Variants in LCOR observed in about 807,000 individuals in gnomAD.
LCOR encodes ligand dependent nuclear receptor corepressor, also known as ligand-dependent corepressor.
In LCOR, 14 loss-of-function variants were observed where a neutral mutation model predicts 64.4. The observed-to-expected ratio is 0.22, with a 90% confidence interval of 0.14 to 0.34. The LOEUF (loss-of-function observed/expected upper bound fraction) is 0.34. Among genes scored for constraint, LCOR ranks in the 10% least tolerant of loss-of-function variants. LCOR has a pLI of 1.00. For synonymous variants in LCOR, 643 were observed against 642.5 expected, an observed-to-expected ratio of 1.00 and a Z score of -0.01; for missense variants, 1,686 against 1,765.3, an observed-to-expected ratio of 0.96 and a Z score of 0.80.
Position 96,994,197 on chromosome 10 carries a change from T to A in LCOR, c.*9063T>A, listed in dbSNP as rs1329450662. On this transcript the variant is annotated 3_prime_UTR_variant, in exon 8 of 8. Transcript: ENST00000421806. ...TGTAAGACTTGTTACAACAGAAATTTAAGTGGCCAGTTCAATGTCCTTTGG... is the reference window on the plus strand; with the variant it reads ...TGTAAGACTTGTTACAACAGAAATTAAAGTGGCCAGTTCAATGTCCTTTGG... The A allele has an allele frequency of 6.6e-6, 1 of 152,234 alleles. No homozygotes were observed. Among genetic ancestry groups the A allele is most frequent in the Non-Finnish European group, 1.5e-5 (1 of 68,040 alleles). The allele number at this position is 152,234 out of a possible 1,614,324, so 9.4% of individuals were successfully genotyped here.
intron 4 of LCOR, among the ~76,000 whole-genome samples, chr10:96,920,442 G>GTATATTCATATATA (rs771680816): frequency 2.2e-4 from 1 of 4,470 alleles, no homozygotes; most frequent in African/African-American, 4.7e-4. Flanking sequence ...GTGTATATAT[G>GTATATTCATATATA]TGTATATATA....
At chr10:96,972,713 C>T (rs1848008880) in intron 7 of LCOR, among the ~76,000 whole-genome samples, 1 of 152,122 alleles carries the variant, frequency 6.6e-6, no homozygotes, top group African/African-American at 2.4e-5. Context: ...TCTACTCTGT[C>T]CCTTATCTAG....
At position 96,983,164 on chromosome 10, in the gene LCOR, G is replaced by A. The variant is rs759363901; in HGVS notation, c.2704G>A (p.Glu902Lys). 58 of 1,614,104 alleles carry A rather than the reference G, an allele frequency of 3.6e-5. No individual in the cohort carries two copies. In the East Asian group the frequency reaches 9.1e-4, roughly 25 times the overall value. ...PSEKDAEQEG[E>K]GGGIITRQTL... ...TGAGAAAGATGCTGAGCAGGAGGGC[G>A]AAGGCGGGGGGATCATCACCAGGCA... Residue 902 changes from glutamate to lysine, a missense_variant, in exon 8 of 8, where the codon GAA (glutamate) becomes AAA (lysine). Around this residue, in one of 3 missense-constraint regions of LCOR, gnomAD observed 1,293 missense variants for 1,410.4 expected, o/e 0.92. Transcript: ENST00000421806. The surrounding 1 kb of genome is among the most constrained non-coding windows in gnomAD (Gnocchi z 4.5).
chr10:96,836,848 A>G (rs890307582), intron 2 of LCOR, among the ~76,000 whole-genome samples: 4 of 152,214 alleles, frequency 2.6e-5, no homozygotes, highest in African/African-American at 9.6e-5. Context: ...GGTAGGTTGT[A>G]GGATTTTCTA....
intron 7 of LCOR, chr10:96,957,264 T>G (rs1847799569): frequency 2.0e-6 from 2 of 985,174 alleles, no homozygotes; most frequent in South Asian, 4.7e-5. Context: ...TTCTGATAAT[T>G]AGCTGATATT....
chr10:96,837,281 C>A (rs967872746), intron 2 of LCOR, among the ~76,000 whole-genome samples: 1 of 150,530 alleles, frequency 6.6e-6, no homozygotes, highest in Non-Finnish European at 1.5e-5. Flanking sequence ...TGAGCCACTG[C>A]GTCCCTCTAT....
chr10:96,908,609 A>G (rs1846770931), intron 4 of LCOR, among the ~76,000 whole-genome samples: 1 of 152,112 alleles, frequency 6.6e-6, no homozygotes, highest in African/African-American at 2.4e-5. Context: ...TTTGTTAGAA[A>G]ACATTTCACT....
At chr10:96,881,623 T>G (rs1368626989) in intron 2 of LCOR, among the ~76,000 whole-genome samples, 1 of 151,926 alleles carries the variant, frequency 6.6e-6, no homozygotes, top group East Asian at 1.9e-4. Context: ...CGCCCGGCTA[T>G]TTTTTGTATT....
chr10:96,957,299 G>T, intron 7 of LCOR: 3 of 985,090 alleles, frequency 3.0e-6, no homozygotes, highest in Non-Finnish European at 3.6e-6. Flanking sequence ...ACACAGTTCA[G>T]GACCTTTGAG....
At chr10:96,980,104 A>T (rs1028905758) in intron 7 of LCOR, among the ~76,000 whole-genome samples, 1 of 152,184 alleles carries the variant, frequency 6.6e-6, no homozygotes, top group Admixed American at 6.5e-5. Flanking sequence ...AGCTCGCACC[A>T]CTGCATTCCA....
intron 4 of LCOR, among the ~76,000 whole-genome samples, chr10:96,932,566 C>T (rs1255576259): frequency 6.6e-6 from 1 of 152,106 alleles, no homozygotes; most frequent in African/African-American, 2.4e-5. Flanking sequence ...CGGGTTCAAG[C>T]AATTCTCCTG....
intron 2 of LCOR, among the ~76,000 whole-genome samples, chr10:96,897,147 A>G (rs1265704861): frequency 6.6e-6 from 1 of 151,608 alleles, no homozygotes; most frequent in Non-Finnish European, 1.5e-5. Flanking sequence ...CTCACAGTGT[A>G]ATTTGTAGTT....
At chr10:96,950,473 T>G (rs1847659554) in intron 6 of LCOR, among the ~76,000 whole-genome samples, 1 of 152,134 alleles carries the variant, frequency 6.6e-6, no homozygotes, top group Non-Finnish European at 1.5e-5. Flanking sequence ...CTCCTCACTC[T>G]AAATATTGCA....
Position 96,985,414 on chromosome 10 carries a change from T to G in LCOR, c.*280T>G. 6.8e-6 allele frequency: 2 copies of G among 296,276 alleles called. No individual in the cohort carries two copies. The highest frequency in any genetic ancestry group is 1.3e-5 in the Non-Finnish European group (2 of 153,970). 18.4% of individuals were successfully genotyped at this position (296,276 alleles called of 1,614,324 possible). On this transcript the variant is annotated 3_prime_UTR_variant, in exon 8 of 8. Coordinates refer to ENST00000421806, the MANE Select transcript of LCOR (RefSeq NM_001346516.2). ...GTTTTTAAAAGTACAGTGCCTTATT[T>G]ATCCTTTTTGTTTTTAAATTTACAA...
At chr10:96,889,415 C>T (rs1030329924) in intron 2 of LCOR, among the ~76,000 whole-genome samples, 10 of 152,184 alleles carry the variant, frequency 6.6e-5, no homozygotes, top group African/African-American at 2.4e-4. Context: ...AAGTACAGAT[C>T]AAGGTCCGGC....
At chr10:96,935,596 G>C (rs1489174338) in intron 4 of LCOR, among the ~76,000 whole-genome samples, 3 of 152,200 alleles carry the variant, frequency 2.0e-5, no homozygotes, top group Non-Finnish European at 4.4e-5. Context: ...CACTTTGGGA[G>C]GCCAAGGCAG....
chr10:96,866,298 A>G (rs61858083), intron 2 of LCOR, among the ~76,000 whole-genome samples: 148 of 152,250 alleles, frequency 9.7e-4, no homozygotes, highest in Non-Finnish European at 1.7e-3. Flanking sequence ...AATTATTAGT[A>G]TACTTTGTCT....
In LCOR at chr10:96,983,323, G is replaced by C; in HGVS notation, c.2863G>C (p.Asp955His). Residue 955 changes from aspartate (D) to histidine (H), a missense_variant, in exon 8 of 8, where the codon GAT becomes CAT. Asp to His is a moderately conservative substitution (Grantham distance 81). This residue lies in a region of LCOR where 1,293 missense variants were observed against 1,410.4 expected (regional missense o/e 0.92). Transcript: ENST00000421806. The surrounding 1 kb of genome is among the most constrained non-coding windows in gnomAD (Gnocchi z 4.5). ...GGAAATCTATGTTCAGTCTAAAATG[G>C]ATGAGAAGAATGCTCATATCCCCTC... ...RLEIYVQSKM[D>H]EKNAHIPSES... is the part of the protein sequence containing the mutation. 2 of 1,614,184 alleles carry C rather than the reference G, an allele frequency of 1.2e-6. No homozygotes were observed. The highest frequency in any genetic ancestry group is 1.7e-6 in the Non-Finnish European group (2 of 1,180,024).
At chr10:96,833,596 G>A in intron 2 of LCOR, 117 bp downstream of exon 2, 1 of 316,684 alleles carries the variant, frequency 3.2e-6, no homozygotes, top group Non-Finnish European at 4.6e-6. Flanking sequence ...CTTCGGTGCT[G>A]CTGGTGTGTG....
Sources: allele counts gnomAD v4.1 joint callset (sites outside exome capture counted in the v4.1 genomes callset), GRCh38; gene constraint gnomAD v4.1.1; regional missense constraint gnomAD v4.1.1; non-coding constraint Gnocchi (gnomAD v3.1); transcripts MANE v1.5; gene names NCBI Gene and HGNC (gene_info 2026-07-23, HGNC 2026-07-21).